TPSG1: variants seen among roughly 807,000 people sequenced by gnomAD.
TPSG1 encodes tryptase gamma 1.
A neutral mutation model predicts 23.8 loss-of-function variants in TPSG1; 43 were observed. The observed-to-expected ratio is 1.81, with a 90% confidence interval of 1.42 to 2.33. The LOEUF (loss-of-function observed/expected upper bound fraction) is 2.33, where lower values mean the gene tolerates loss of function less well. Among genes scored for constraint, TPSG1 ranks in the 30% most tolerant of loss-of-function variants. The pLI is 0.00. For synonymous variants in TPSG1, 302 were observed against 201.3 expected, an observed-to-expected ratio of 1.50 and a Z score of -4.23; for missense variants, 623 against 438.6, an observed-to-expected ratio of 1.42 and a Z score of -3.75.
Position 1,222,397 on chromosome 16 carries a change from G to A in TPSG1, c.512-56C>T, listed in dbSNP as rs1227126288. 1.0e-5 allele frequency: 15 copies of A among 1,451,252 alleles called. No homozygotes were observed. In the Admixed American group the frequency reaches 2.7e-4, roughly 27 times the overall value. 89.9% of individuals were successfully genotyped at this position (1,451,252 alleles called of 1,614,324 possible). The stretch of plus-strand genomic sequence containing the variant: ...GTTGGGGCACCAGGCCCTGCACTGG[G>A]GGGATGGGAGACCTTGCCAGACACA... On this transcript the variant is annotated intron_variant, in intron 4 of 5. Transcript: ENST00000234798.
At chr16:1,223,336 G>C in intron 3 of TPSG1, 87 bp downstream of exon 3, 1 of 1,431,246 alleles carries the variant, frequency 7.0e-7, no homozygotes, top group South Asian at 1.4e-5. Context: ...CTCGGAGTGA[G>C]TCAAGACCAA....
intron 4 of TPSG1, 66 bp from the exon 5 acceptor site, chr16:1,222,407 G>A (rs1596485614): frequency 2.9e-6 from 4 of 1,393,920 alleles, no homozygotes; most frequent in Non-Finnish European, 3.9e-6. Flanking sequence ...GGGGATGGGA[G>A]ACCTTGCCAG....
chr16:1,222,045 C>T lies in TPSG1; in HGVS notation c.709G>A (p.Ala237Thr). 6.2e-7 allele frequency: 1 copy of T among 1,612,790 alleles called. No homozygotes were observed. Among genetic ancestry groups the T allele is most frequent in the Non-Finnish European group, 8.5e-7 (1 of 1,179,998 alleles). ...VCQVNGAWVQ[A>T]GTVSWGEGCG... Reference sequence around the variant, plus strand: ...CCCTCACCCCAGCTCACAGTGCCAGCCTGCACCCAGGCACCGTTCACCTGG... The same window carrying T: ...CCCTCACCCCAGCTCACAGTGCCAGTCTGCACCCAGGCACCGTTCACCTGG... The change falls in exon 6 of 6, where the codon GCT (alanine) becomes ACT (threonine). Residue 237 changes from alanine to threonine, a missense_variant. Transcript: ENST00000234798.
intron 1 of TPSG1, 103 bp from the exon 2 acceptor site, chr16:1,224,731 G>A: frequency 1.4e-6 from 2 of 1,479,970 alleles, no homozygotes; most frequent in South Asian, 1.1e-5. Flanking sequence ...CTGGGGTGGG[G>A]CCTGGTCCTG....
Position 1,224,622 on chromosome 16 carries a change from GAC to G in TPSG1, c.51_52del (p.Ser18ProfsTer134). ...CGTACCTGGCTGCAAAGTCCTGAGGGACACACCTGTGGGAAAGACGAAGGGCC... is the reference window on the plus strand; with the variant it reads ...CGTACCTGGCTGCAAAGTCCTGAGGGACACCTGTGGGAAAGACGAAGGGCC... On this transcript the variant is annotated frameshift_variant, in exon 2 of 6. Coordinates refer to ENST00000234798, the MANE Select transcript of TPSG1 (RefSeq NM_012467.4). LOFTEE classifies it high-confidence loss of function. 2 of 1,613,824 alleles carry G rather than the reference GAC, an allele frequency of 1.2e-6. No homozygotes were observed. Among genetic ancestry groups the G allele is most frequent in the South Asian group, 2.2e-5 (2 of 91,086 alleles).
In TPSG1 at chr16:1,221,806, G is replaced by A; in HGVS notation, c.948C>T (p.Pro316=). The change falls in exon 6 of 6, where the codon CCC becomes CCT. Residue 316 remains proline, a synonymous_variant. Transcript: ENST00000234798. ...CLLHPSADGT[P]FPAPD The stretch of plus-strand genomic sequence containing the variant: ...CCTGCCATCAGTCAGGGGCGGGGAA[G>A]GGAGTACCATCCGCAGATGGGTGCA... 1 of 1,607,632 alleles carries A rather than the reference G, an allele frequency of 6.2e-7. No individual in the cohort carries two copies. Among genetic ancestry groups the A allele is most frequent in the Non-Finnish European group, 8.5e-7 (1 of 1,176,456 alleles).
chr16:1,223,004 C>G (rs2029903556), intron 3 of TPSG1, 87 bp from the exon 4 acceptor site: 2 of 1,423,514 alleles, frequency 1.4e-6, no homozygotes, highest in South Asian at 2.9e-5. Flanking sequence ...CCCTTGCAGG[C>G]ATCCGAAGCC....
In TPSG1 at chr16:1,222,918, C is replaced by T; in HGVS notation, c.246-1G>A. 2 of 1,592,188 alleles carry T rather than the reference C, an allele frequency of 1.3e-6. No homozygotes were observed. Among genetic ancestry groups the T allele is most frequent in the Non-Finnish European group, 1.7e-6 (2 of 1,166,010 alleles). Reference sequence around the variant, plus strand: ...CTGGTAGTCGGATGAGTTCAGGGACCTGGGAGGGAAGGTGGCTGGGTGAGA... The same window carrying T: ...CTGGTAGTCGGATGAGTTCAGGGACTTGGGAGGGAAGGTGGCTGGGTGAGA... On this transcript the variant is annotated splice_acceptor_variant, in intron 3 of 5. Transcript: ENST00000234798. LOFTEE classifies it high-confidence loss of function.
Position 1,225,169 on chromosome 16 carries a change from A to G in TPSG1, c.46+38T>C, listed in dbSNP as rs1354334926. 15 of 1,553,720 alleles carry G rather than the reference A, an allele frequency of 9.7e-6. No individual in the cohort carries two copies. The Admixed American group carries it at 1.6e-4, about 16-fold the overall frequency. On this transcript the variant is annotated intron_variant, in intron 1 of 5. Transcript: ENST00000234798. ...CATCAGGGGTCCAGGCAGGAAGCAG[A>G]TGCCCCCCCATCCCCACACCCAGGC... is the stretch of plus-strand genomic sequence containing the variant.
chr16:1,223,027 C>T (rs1167219555), intron 3 of TPSG1, 110 bp from the exon 4 acceptor site: 4 of 1,338,600 alleles, frequency 3.0e-6, no homozygotes, highest in East Asian at 2.6e-5. Context: ...GCTCTTCCCT[C>T]CTAGGCTTGG....
chr16:1,223,905 G>T (rs1450118599), intron 2 of TPSG1: 2 of 421,190 alleles, frequency 4.7e-6, no homozygotes, highest in Non-Finnish European at 8.4e-6. Flanking sequence ...GAACGGTGGA[G>T]CCCCCGAGAA....
Position 1,223,533 on chromosome 16 carries a change from C to T in TPSG1, c.135G>A (p.Pro45=), listed in dbSNP as rs377147956. 2.1e-4 allele frequency: 332 copies of T among 1,549,636 alleles called. 4 individuals carry two copies. The African/African-American group carries it at 3.5e-3, about 16-fold the overall frequency. ...TGGCCTGCCATGGCCATGCGCCGGC[C>T]GGGGCAGCGTGACCCCCCACGATCC... The part of the protein sequence containing the change: ...GGRIVGGHAA[P]AGAWPWQASL... Residue 45 remains proline, a synonymous_variant, in exon 3 of 6, where the codon CCG becomes CCA. Transcript: ENST00000234798.
At chr16:1,222,120 T>C (rs1159684381) in intron 5 of TPSG1, 24 bp from the exon 6 acceptor site, 1 of 1,612,328 alleles carries the variant, frequency 6.2e-7, no homozygotes, top group South Asian at 1.1e-5. Flanking sequence ...AGGCGAGCAT[T>C]GGGAGCCGAG....
In TPSG1 at chr16:1,221,897, G is replaced by A. The variant is rs773408624; in HGVS notation, c.857C>T (p.Ala286Val). The A allele has an allele frequency of 1.1e-5, 17 of 1,611,584 alleles. No individual in the cohort carries two copies. The highest frequency in any genetic ancestry group is 6.7e-5 in the African/African-American group (5 of 75,044). Residue 286 changes from alanine to valine, a missense_variant, in exon 6 of 6, where the codon GCT becomes GTT. By Grantham distance (64) the Ala-to-Val change is moderately conservative. Transcript: ENST00000234798. ...GAAGAGGCCGGGGAGGAAGAAGCCA[G>A]CCAGGAGGGGGAGCCTGGGGTACCC... ...ESGYPRLPLL[A>V]GFFLPGLFLL...
Position 1,222,679 on chromosome 16 carries a change from T to G in TPSG1, c.484A>C (p.Thr162Pro). ...CCCTCCCGCGTATAGCCCCAGCCGGTCACCCAGCACCGGATCCCAGGGCAG... is the reference window on the plus strand; with the variant it reads ...CCCTCCCGCGTATAGCCCCAGCCGGGCACCCAGCACCGGATCCCAGGGCAG... ...DFCPGIRCWV[T>P]GWGYTREGEP... is the part of the protein sequence containing the mutation. The change falls in exon 4 of 6, where the codon ACC becomes CCC. Residue 162 changes from threonine to proline, a missense_variant. By Grantham distance (38) the Thr-to-Pro change is conservative (BLOSUM62 -1). Transcript: ENST00000234798. 5 of 1,578,680 alleles carry G rather than the reference T, an allele frequency of 3.2e-6. No individual in the cohort carries two copies. The highest frequency in any genetic ancestry group is 4.3e-6 in the Non-Finnish European group (5 of 1,156,066).
rs750262261 is a variant in TPSG1 at position 1,221,971 on chromosome 16, G to A, written c.783C>T (p.Tyr261=). Residue 261 remains tyrosine (Y), a synonymous_variant, in exon 6 of 6, where the codon TAC becomes TAT. Coordinates refer to ENST00000234798, the MANE Select transcript of TPSG1 (RefSeq NM_012467.4). ...RPGVYTRVPA[Y]VNWIRRHITA... ...TGATGTGGCGGCGGATCCAGTTCACGTAGGCAGGGACACGAGTGTAGACTC... is the reference window on the plus strand; with the variant it reads ...TGATGTGGCGGCGGATCCAGTTCACATAGGCAGGGACACGAGTGTAGACTC... The A allele has an allele frequency of 3.1e-5, 50 of 1,612,320 alleles. No homozygotes were observed. The highest frequency in any genetic ancestry group is 9.3e-5 in the African/African-American group (7 of 74,920).
At chr16:1,223,866 G>A in intron 2 of TPSG1, 1 of 498,930 alleles carries the variant, frequency 2.0e-6, no homozygotes, top group Non-Finnish European at 3.5e-6. Flanking sequence ...AGGCTGCAGA[G>A]GGCCCCTAGG....
chr16:1,221,894 C>A lies in TPSG1; in HGVS notation c.860G>T (p.Gly287Val), dbSNP rs772452733. 6 of 1,611,280 alleles carry A rather than the reference C, an allele frequency of 3.7e-6. No homozygotes were observed. The highest frequency in any genetic ancestry group is 5.1e-6 in the Non-Finnish European group (6 of 1,179,164). Residue 287 changes from glycine to valine, a missense_variant, in exon 6 of 6, where the codon GGC becomes GTC. Transcript: ENST00000234798. ...AAGGAAGAGGCCGGGGAGGAAGAAGCCAGCCAGGAGGGGGAGCCTGGGGTA... is the reference window on the plus strand; with the variant it reads ...AAGGAAGAGGCCGGGGAGGAAGAAGACAGCCAGGAGGGGGAGCCTGGGGTA... Reference protein sequence around the residue: ...SGYPRLPLLAGFFLPGLFLLL... With the variant: ...SGYPRLPLLAVFFLPGLFLLL...
At position 1,221,936 on chromosome 16, in the gene TPSG1, CCT is replaced by C. The variant is rs1444670961; in HGVS notation, c.816_817del (p.Gly274LeufsTer47). 6.2e-7 allele frequency: 1 copy of C among 1,611,980 alleles called. No homozygotes were observed. Among genetic ancestry groups the C allele is most frequent in the East Asian group, 2.2e-5 (1 of 44,846 alleles). ...CCTGGGGTACCCAGACTCTGAGCCC[CCT>C]GATGCTGTGATGTGGCGGCGGATCC... On this transcript the variant is annotated frameshift_variant, in exon 6 of 6. Coordinates refer to ENST00000234798, the MANE Select transcript of TPSG1 (RefSeq NM_012467.4). LOFTEE classifies it low-confidence loss of function (END_TRUNC).
Sources: allele counts gnomAD v4.1 joint callset, GRCh38; gene constraint gnomAD v4.1.1; transcripts MANE v1.5; gene names NCBI Gene and HGNC (gene_info 2026-07-23, HGNC 2026-07-21).